Variants in SGCD observed in about 807,000 individuals in gnomAD.
The protein encoded by SGCD is delta-sarcoglycan.
SGCD carries 18 observed loss-of-function variants against 36.6 expected under a neutral mutation model. That is an observed-to-expected ratio of 0.49 (90% CI 0.34 to 0.73). SGCD has a LOEUF of 0.73. Ranked by LOEUF, SGCD falls within the 30% of genes least tolerant of loss-of-function variation. SGCD has a pLI of 0.01. For missense variants in SGCD, 387 were observed against 346.7 expected (o/e 1.12, Z -0.92); for synonymous variants, 133 against 130.6 (o/e 1.02, Z -0.12).
chr5:156,563,732 G>A (rs79782815), intron 4 of SGCD, among the ~76,000 whole-genome samples: 5,702 of 149,806 alleles, frequency 0.038, 231 homozygotes, highest in African/African-American at 0.097. Flanking sequence ...TCCAAAGAAA[G>A]TTCTTCCCTA....
intron 3 of SGCD, among the ~76,000 whole-genome samples, chr5:156,368,586 A>G (rs1013741331): frequency 2.6e-5 from 4 of 152,208 alleles, no homozygotes; most frequent in Non-Finnish European, 5.9e-5. Context: ...ACCGTAGACC[A>G]GTACTGGCTA....
the SGCD span, among the ~76,000 whole-genome samples, chr5:155,825,533 G>T: frequency 6.6e-6 from 1 of 152,082 alleles, no homozygotes; most frequent in Non-Finnish European, 1.5e-5. Flanking sequence ...GTCTCCATAT[G>T]GTTCAAGGAT....
intron 1 of SGCD, among the ~76,000 whole-genome samples, chr5:155,964,842 C>T (rs1456355800): frequency 2.0e-5 from 3 of 152,048 alleles, no homozygotes; most frequent in East Asian, 3.9e-4. Context: ...GGGTATTTGC[C>T]CAGCTCTGCT....
At chr5:156,615,010 G>T (rs181152285) in intron 6 of SGCD, among the ~76,000 whole-genome samples, 2 of 152,306 alleles carry the variant, frequency 1.3e-5, no homozygotes, top group African/African-American at 2.4e-5. Context: ...AAAGAATTAG[G>T]CTTATAACTT....
chr5:155,728,580 T>G, the SGCD span, among the ~76,000 whole-genome samples: 1 of 152,184 alleles, frequency 6.6e-6, no homozygotes, highest in African/African-American at 2.4e-5. Context: ...AGCAGCGCGA[T>G]GCTGCTTCGC....
At chr5:156,657,658 G>A (rs1331699963) in intron 7 of SGCD, among the ~76,000 whole-genome samples, 2 of 152,092 alleles carry the variant, frequency 1.3e-5, no homozygotes, top group African/African-American at 4.8e-5. Flanking sequence ...AGCTAGTTGG[G>A]AGGCTGAGGC....
chr5:156,104,433 T>A (rs1374536574), intron 1 of SGCD, among the ~76,000 whole-genome samples: 1 of 152,204 alleles, frequency 6.6e-6, no homozygotes, highest in Non-Finnish European at 1.5e-5. Context: ...TGAGTTACAG[T>A]CTAAGAGGGA....
intron 1 of SGCD, among the ~76,000 whole-genome samples, chr5:155,890,319 C>T (rs909057278): frequency 1.7e-4 from 26 of 152,222 alleles, no homozygotes; most frequent in Middle Eastern, 3.4e-3. Flanking sequence ...ATAAAACAGT[C>T]TGCAAAATAA....
chr5:156,008,706 T>G (rs1458655177), intron 1 of SGCD, among the ~76,000 whole-genome samples: 2 of 152,184 alleles, frequency 1.3e-5, no homozygotes, highest in Non-Finnish European at 2.9e-5. Context: ...ACACCAGTTG[T>G]ATTGGATTAA....
chr5:156,372,639 G>A (rs1770446569), intron 3 of SGCD, among the ~76,000 whole-genome samples: 1 of 152,100 alleles, frequency 6.6e-6, no homozygotes, highest in South Asian at 2.1e-4. Context: ...CTTGAAGGCA[G>A]GGCTAGCAAT....
the SGCD span, among the ~76,000 whole-genome samples, chr5:155,814,619 T>C: frequency 6.6e-6 from 1 of 152,130 alleles, no homozygotes; most frequent in African/African-American, 2.4e-5. Context: ...AAATAGAAGA[T>C]CGTGAGTGCA....
Position 156,577,223 on chromosome 5 carries a change from G to T in SGCD, c.295-12008G>T, listed in dbSNP as rs1256117122. On this transcript the variant is annotated intron_variant, in intron 4 of 8. Transcript: ENST00000337851. The stretch of plus-strand genomic sequence containing the variant: ...TGTCAGGTTTGTCAAAGATCAGATG[G>T]TTGTAGATGTGTGGTGTGATTTCTG... Among the ~76,000 whole-genome samples, 3 of 152,246 alleles carry T rather than the reference G, an allele frequency of 2.0e-5. No individual in the cohort carries two copies. The East Asian group carries it at 5.8e-4, about 29-fold the overall frequency.
At chr5:156,550,073 A>G (rs1758728207) in intron 4 of SGCD, among the ~76,000 whole-genome samples, 1 of 152,254 alleles carries the variant, frequency 6.6e-6, no homozygotes, top group South Asian at 2.1e-4. Context: ...GAAAACTGAC[A>G]TGAAAGCTGA....
chr5:156,395,980 G>C (rs1186465622), intron 3 of SGCD, among the ~76,000 whole-genome samples: 1 of 152,172 alleles, frequency 6.6e-6, no homozygotes, highest in African/African-American at 2.4e-5. Flanking sequence ...ATGATACTAT[G>C]AGTTTAATTT....
intron 6 of SGCD, among the ~76,000 whole-genome samples, chr5:156,645,929 G>A (rs2113580061): frequency 6.6e-6 from 1 of 152,252 alleles, no homozygotes; most frequent in Non-Finnish European, 1.5e-5. Flanking sequence ...TGGTTGCTTT[G>A]TGCCAGAGAT....
chr5:156,046,346 T>G (rs544875249), intron 1 of SGCD, among the ~76,000 whole-genome samples: 1 of 152,196 alleles, frequency 6.6e-6, no homozygotes, highest in Non-Finnish European at 1.5e-5. Flanking sequence ...TCTACACTTC[T>G]GCTGTATACT....
At chr5:156,037,077 G>A (rs1759517334) in intron 1 of SGCD, among the ~76,000 whole-genome samples, 1 of 152,144 alleles carries the variant, frequency 6.6e-6, no homozygotes, top group African/African-American at 2.4e-5. Flanking sequence ...CACACATAAA[G>A]AGTGCTCAGT....
chr5:156,164,780 T>C (rs1763173690), intron 3 of SGCD, among the ~76,000 whole-genome samples: 1 of 152,212 alleles, frequency 6.6e-6, no homozygotes, highest in Non-Finnish European at 1.5e-5. Flanking sequence ...CAAAACACTG[T>C]GCTTGGCTTT....
chr5:156,249,572 T>C (rs1395710651), intron 3 of SGCD, among the ~76,000 whole-genome samples: 1 of 152,188 alleles, frequency 6.6e-6, no homozygotes, highest in Non-Finnish European at 1.5e-5. Flanking sequence ...TCTTTGGACT[T>C]GGTATTAGAA....
Sources: allele counts gnomAD v4.1 joint callset (sites outside exome capture counted in the v4.1 genomes callset), GRCh38; gene constraint gnomAD v4.1.1; transcripts MANE v1.5; gene names NCBI Gene and HGNC (gene_info 2026-07-23, HGNC 2026-07-21).